ATP8A2: variants seen among roughly 807,000 people sequenced by gnomAD.
ATP8A2 encodes ATPase phospholipid transporting 8A2.
In ATP8A2, 100 loss-of-function variants were observed where a neutral mutation model predicts 165.6. The ratio of observed to expected loss-of-function variants is 0.60; its 90% CI spans 0.51 to 0.71. The LOEUF is 0.71. Ranked by LOEUF, ATP8A2 falls within the 30% of genes least tolerant of loss-of-function variation. The pLI, the probability that ATP8A2 is intolerant of heterozygous loss-of-function variation, is 0.00. For synonymous variants in ATP8A2, 543 were observed against 548.8 expected (o/e 0.99, Z 0.15); for missense variants, 1,227 against 1,479.5 (o/e 0.83, Z 2.80).
At chr13:25,545,915 A>G (rs1593505005) in intron 10 of ATP8A2, among the ~76,000 whole-genome samples, 1 of 152,342 alleles carries the variant, frequency 6.6e-6, no homozygotes, top group Non-Finnish European at 1.5e-5. Context: ...GATTACAGGC[A>G]TGAGCCACAG....
chr13:25,875,068 A>T (rs1952789974), intron 33 of ATP8A2, among the ~76,000 whole-genome samples: 2 of 151,966 alleles, frequency 1.3e-5, no homozygotes. Context: ...TAGAGACAGG[A>T]AGTGCCATGG....
At chr13:25,431,192 C>T (rs1189171419) in intron 1 of ATP8A2, among the ~76,000 whole-genome samples, 1 of 151,886 alleles carries the variant, frequency 6.6e-6, no homozygotes, top group African/African-American at 2.4e-5. Flanking sequence ...TTTTGTTGCC[C>T]AGGCTAGAGT....
At chr13:25,668,576 A>T (rs933918881) in intron 24 of ATP8A2, among the ~76,000 whole-genome samples, 5 of 152,156 alleles carry the variant, frequency 3.3e-5, no homozygotes, top group Non-Finnish European at 7.4e-5. Context: ...CTTTCATCAA[A>T]TTTGGGAGTT....
chr13:25,467,968 G>A (rs80206666), intron 1 of ATP8A2, among the ~76,000 whole-genome samples: 8,442 of 152,276 alleles, frequency 0.055, 293 homozygotes, highest in South Asian at 0.14. Flanking sequence ...CATCTGTAGA[G>A]TATTAATTTT....
intron 30 of ATP8A2, among the ~76,000 whole-genome samples, chr13:25,856,349 G>T (rs1007599474): frequency 1.3e-5 from 2 of 152,174 alleles, no homozygotes; most frequent in African/African-American, 4.8e-5. Context: ...GTGTACACAT[G>T]GACATGGAGT....
intron 35 of ATP8A2, among the ~76,000 whole-genome samples, chr13:25,993,112 A>G (rs1226067479): frequency 6.6e-6 from 1 of 151,736 alleles, no homozygotes; most frequent in Non-Finnish European, 1.5e-5. Flanking sequence ...GGTTGGTTCC[A>G]AGTCTTTGCT....
chr13:25,970,445 G>A (rs1955887136), intron 35 of ATP8A2, among the ~76,000 whole-genome samples: 1 of 152,232 alleles, frequency 6.6e-6, no homozygotes, highest in Admixed American at 6.5e-5. Context: ...GGCAGAGGGA[G>A]TGGCACATGC....
intron 30 of ATP8A2, among the ~76,000 whole-genome samples, chr13:25,844,660 G>T (rs1483668526): frequency 6.6e-6 from 1 of 152,156 alleles, no homozygotes; most frequent in Non-Finnish European, 1.5e-5. Flanking sequence ...TAACAGAGGG[G>T]TGCCTTCAGG....
intron 25 of ATP8A2, among the ~76,000 whole-genome samples, chr13:25,757,503 A>ATG (rs113178441): frequency 0.17 from 25,810 of 150,290 alleles, 2,450 homozygotes; most frequent in African/African-American, 0.24. Flanking sequence ...ACGATATACT[A>ATG]TGTGTGTGTG....
At chr13:25,887,976 T>C in intron 33 of ATP8A2, among the ~76,000 whole-genome samples, 1 of 151,990 alleles carries the variant, frequency 6.6e-6, no homozygotes, top group East Asian at 1.9e-4. Context: ...CTAACATGGA[T>C]ATCACCACCA....
At chr13:25,680,786 A>G (rs998018212) in intron 24 of ATP8A2, among the ~76,000 whole-genome samples, 1 of 152,130 alleles carries the variant, frequency 6.6e-6, no homozygotes, top group Non-Finnish European at 1.5e-5. Context: ...CTCTACAACC[A>G]TGTTTGTATT....
intron 25 of ATP8A2, among the ~76,000 whole-genome samples, chr13:25,706,431 C>G (rs532013872): frequency 6.6e-6 from 1 of 152,274 alleles, no homozygotes; most frequent in South Asian, 2.1e-4. Context: ...AGAACTGGCT[C>G]TTCTGATTTG....
At chr13:25,859,852 T>A (rs1407184191) in intron 30 of ATP8A2, among the ~76,000 whole-genome samples, 1 of 152,222 alleles carries the variant, frequency 6.6e-6, no homozygotes, top group Non-Finnish European at 1.5e-5. Flanking sequence ...CCAACATCGA[T>A]GGCACTTAAT....
chr13:25,949,514 G>T (rs1955294273), intron 33 of ATP8A2, among the ~76,000 whole-genome samples: 1 of 152,236 alleles, frequency 6.6e-6, no homozygotes, highest in Admixed American at 6.5e-5. Flanking sequence ...ACCACAGGAA[G>T]ATTGCAATCT....
Position 25,577,138 on chromosome 13 carries a change from T to C in ATP8A2, c.1782T>C (p.Ala594=). 6.2e-7 allele frequency: 1 copy of C among 1,613,680 alleles called. No homozygotes were observed. ...SGRLRLYCKG[A]DNVIFERLSK... ...GACTTCGGCTTTACTGTAAAGGGGCTGTAAGTACCGGAGAAGCGTTGTGCG... is the reference window on the plus strand; with the variant it reads ...GACTTCGGCTTTACTGTAAAGGGGCCGTAAGTACCGGAGAAGCGTTGTGCG... Residue 594 remains alanine, a splice_region_variant and synonymous_variant, in exon 20 of 37, where the codon GCT becomes GCC. Coordinates refer to ENST00000381655, the MANE Select transcript of ATP8A2 (RefSeq NM_016529.6).
At chr13:25,573,994 A>G (rs140674369) in intron 18 of ATP8A2, among the ~76,000 whole-genome samples, 2,032 of 152,330 alleles carry the variant, frequency 0.013, 24 homozygotes, top group Admixed American at 0.043. Flanking sequence ...TTTGCCATGC[A>G]TAAGAAAGTC....
chr13:25,784,006 C>A (rs2044956115), intron 27 of ATP8A2, among the ~76,000 whole-genome samples: 1 of 152,092 alleles, frequency 6.6e-6, no homozygotes, highest in South Asian at 2.1e-4. Flanking sequence ...GAAATACTAG[C>A]AGTCTGGAGG....
At chr13:25,399,187 G>A (rs2033536566) in intron 1 of ATP8A2, among the ~76,000 whole-genome samples, 1 of 152,070 alleles carries the variant, frequency 6.6e-6, no homozygotes, top group Non-Finnish European at 1.5e-5. Flanking sequence ...TTCTTACACT[G>A]AAGCATGCAC....
intron 35 of ATP8A2, among the ~76,000 whole-genome samples, chr13:26,011,564 G>A (rs923216846): frequency 1.3e-5 from 2 of 152,150 alleles, no homozygotes; most frequent in African/African-American, 4.8e-5. Context: ...AATGACAAGC[G>A]AAATGAGAGC....
Sources: gnomAD v4.1 joint callset for allele counts (sites outside exome capture counted in the v4.1 genomes callset) on GRCh38, gnomAD v4.1.1 for gene constraint, MANE v1.5 for transcripts, NCBI Gene and HGNC (gene_info 2026-07-23, HGNC 2026-07-21) for gene names.